Variants in AUTS2 observed in about 807,000 individuals in gnomAD.
AUTS2 encodes the protein autism susceptibility gene 2 protein.
Under a neutral mutation model 112.4 loss-of-function variants are expected in AUTS2, and 17 were observed. The observed-to-expected ratio is 0.15, with a 90% CI of 0.10 to 0.23. The LOEUF (loss-of-function observed/expected upper bound fraction) is 0.23. Among genes scored for constraint, AUTS2 ranks in the 10% least tolerant of loss-of-function variants. The probability of loss-of-function intolerance (pLI) is 1.00; values close to 1 mark genes in which losing one functional copy is unlikely to be tolerated. For synonymous variants in AUTS2, 751 were observed against 702.7 expected, an observed-to-expected ratio of 1.07 and a Z score of -1.09; for missense variants, 1,510 against 1,701.6, an observed-to-expected ratio of 0.89 and a Z score of 1.98.
intron 5 of AUTS2, among the ~76,000 whole-genome samples, chr7:70,589,465 G>A (rs1040896810): frequency 1.3e-5 from 2 of 152,196 alleles, no homozygotes; most frequent in African/African-American, 4.8e-5. Flanking sequence ...TATAATCCTA[G>A]CATTTTGGGA....
intron 3 of AUTS2, among the ~76,000 whole-genome samples, chr7:70,132,713 C>A (rs138522437): frequency 6.6e-6 from 1 of 152,078 alleles, no homozygotes; most frequent in Non-Finnish European, 1.5e-5. Flanking sequence ...ACAGAGCTTT[C>A]CGAGACCTGA....
intron 1 of AUTS2, among the ~76,000 whole-genome samples, chr7:69,859,510 C>T (rs1161468212): frequency 1.3e-5 from 2 of 152,190 alleles, no homozygotes; most frequent in African/African-American, 4.8e-5. Flanking sequence ...GACTCATATT[C>T]ATTTGTTTGT....
chr7:70,380,277 T>A (rs977360441), intron 4 of AUTS2, among the ~76,000 whole-genome samples: 1 of 152,202 alleles, frequency 6.6e-6, no homozygotes, highest in Non-Finnish European at 1.5e-5. Flanking sequence ...TACTGGAATA[T>A]TTGCTCAAAT....
chr7:70,790,816 C>T lies in AUTS2; in HGVS notation c.3600C>T (p.Thr1200=), dbSNP rs1166435001. The T allele has an allele frequency of 1.2e-5, 19 of 1,606,346 alleles. No individual in the cohort carries two copies. Among genetic ancestry groups the T allele is most frequent in the African/African-American group, 5.3e-5 (4 of 74,808 alleles). The change falls in exon 19 of 19, where the codon ACC becomes ACT. Residue 1200 remains threonine, a synonymous_variant. Coordinates refer to ENST00000342771, the MANE Select transcript of AUTS2 (RefSeq NM_015570.4). This position sits in a 1 kb window ranked among gnomAD's most constrained non-coding sequence, Gnocchi z 7.6. ...PSMHYPRISP[T]AGNQNGLLNK... is the part of the protein sequence containing the mutation. ...TGCACTATCCCCGCATCAGCCCCAC[C>T]GCGGGCAACCAGAACGGACTCCTCA...
intron 4 of AUTS2, among the ~76,000 whole-genome samples, chr7:70,184,095 G>C (rs1809473921): frequency 6.6e-6 from 1 of 152,110 alleles, no homozygotes; most frequent in Non-Finnish European, 1.5e-5. Flanking sequence ...AGTACCTCAG[G>C]ATTTTGTTTT....
At chr7:70,299,589 G>A (rs1298950139) in intron 4 of AUTS2, among the ~76,000 whole-genome samples, 1 of 152,060 alleles carries the variant, frequency 6.6e-6, no homozygotes, top group Non-Finnish European at 1.5e-5. Flanking sequence ...TGAAGCCTAC[G>A]TTCCATTCTG....
intron 1 of AUTS2, among the ~76,000 whole-genome samples, chr7:69,615,038 T>G (rs778448027): frequency 4.6e-5 from 7 of 152,242 alleles, no homozygotes; most frequent in Non-Finnish European, 1.0e-4. Context: ...AGGTGATCTT[T>G]TATGCTTTGA....
rs147604977 is a variant in AUTS2 at position 70,488,617 on chromosome 7, A to G, written c.690+52836A>G. 4.8e-3 allele frequency among the ~76,000 whole-genome samples: 729 copies of G among 152,102 alleles called. 4 individuals carry two copies. The highest frequency in any genetic ancestry group is 0.017 in the African/African-American group (691 of 41,478). ...TTTTCCCAGCAACCTGCCGTCCTCA[A>G]CCCTTTCTCTGGATCTCACTTTTCC... On this transcript the variant is annotated intron_variant, in intron 5 of 18. Coordinates refer to ENST00000342771, the MANE Select transcript of AUTS2 (RefSeq NM_015570.4).
intron 2 of AUTS2, among the ~76,000 whole-genome samples, chr7:70,015,925 G>A (rs1800009071): frequency 6.6e-6 from 1 of 151,268 alleles, no homozygotes; most frequent in South Asian, 2.1e-4. Context: ...TGAATTCTCA[G>A]TTCACAGCTG....
intron 5 of AUTS2, among the ~76,000 whole-genome samples, chr7:70,689,514 T>C (rs943634712): frequency 6.6e-6 from 1 of 152,046 alleles, no homozygotes; most frequent in Admixed American, 6.5e-5. Context: ...CGGTGGCTCA[T>C]GCCTGTAATC....
At chr7:70,140,949 A>G (rs115079408) in intron 4 of AUTS2, among the ~76,000 whole-genome samples, 1,656 of 152,296 alleles carry the variant, frequency 0.011, 27 homozygotes, top group African/African-American at 0.036. Context: ...ACGTGTAAGC[A>G]TGGCTCTCAA....
At chr7:69,822,668 G>A (rs1001640206) in intron 1 of AUTS2, among the ~76,000 whole-genome samples, 1 of 152,216 alleles carries the variant, frequency 6.6e-6, no homozygotes, top group Admixed American at 6.5e-5. Context: ...ATCTCAAAGA[G>A]TTTAAGAGTT....
rs577377189 is a variant in AUTS2, at chr7:70,171,906, G to T, written c.660+37335G>T. Among the ~76,000 whole-genome samples the T allele has an allele frequency of 9.1e-3, 1,314 of 144,662 alleles. 27 individuals carry two copies. Among genetic ancestry groups the T allele is most frequent in the African/African-American group, 0.03 (1,168 of 39,056 alleles). 94.9% of individuals were successfully genotyped at this position (144,662 alleles called of 152,430 possible). A position where few individuals can be genotyped will look rare whatever the true frequency, so the allele number is the denominator to read the frequency against. On this transcript the variant is annotated intron_variant, in intron 4 of 18. Coordinates refer to ENST00000342771, the MANE Select transcript of AUTS2 (RefSeq NM_015570.4). ...TTATTATAAACAAGTTTTTTTTTTT[G>T]GGGGGGGGTAGTTTTTCCCTCCTTC...
At chr7:69,977,094 G>A (rs936991804) in intron 2 of AUTS2, among the ~76,000 whole-genome samples, 11 of 151,464 alleles carry the variant, frequency 7.3e-5, no homozygotes, top group Admixed American at 7.2e-4. Flanking sequence ...TTACATTTAG[G>A]TCTTTATCCA....
chr7:70,239,957 C>T (rs146036363), intron 4 of AUTS2, among the ~76,000 whole-genome samples: 7 of 152,132 alleles, frequency 4.6e-5, no homozygotes, highest in African/African-American at 1.2e-4. Context: ...GTTTAAGTAA[C>T]GGTAGGTAAG....
chr7:70,150,941 C>T (rs1195622840), intron 4 of AUTS2, among the ~76,000 whole-genome samples: 1 of 152,160 alleles, frequency 6.6e-6, no homozygotes, highest in Non-Finnish European at 1.5e-5. Flanking sequence ...TGACACTGGA[C>T]ATAAGGCAGT....
intron 4 of AUTS2, among the ~76,000 whole-genome samples, chr7:70,290,156 C>T (rs901042808): frequency 3.3e-5 from 5 of 152,090 alleles, no homozygotes; most frequent in South Asian, 2.1e-4. Context: ...TTTCTCAAAG[C>T]ATGTCTTAGA....
intron 2 of AUTS2, among the ~76,000 whole-genome samples, chr7:69,936,935 C>T (rs981699069): frequency 6.6e-6 from 1 of 152,096 alleles, no homozygotes; most frequent in African/African-American, 2.4e-5. Context: ...CCTTTACCCT[C>T]TTCTCTTCCT....
At chr7:70,315,080 T>G (rs1789932881) in intron 4 of AUTS2, among the ~76,000 whole-genome samples, 1 of 152,202 alleles carries the variant, frequency 6.6e-6, no homozygotes, top group Non-Finnish European at 1.5e-5. Flanking sequence ...TAAAATAGTT[T>G]CTTAATACCC....
Sources: gnomAD v4.1 joint callset for allele counts (sites outside exome capture counted in the v4.1 genomes callset) on GRCh38, gnomAD v4.1.1 for gene constraint, Gnocchi (gnomAD v3.1) non-coding constraint, MANE v1.5 for transcripts, NCBI Gene and HGNC (gene_info 2026-07-23, HGNC 2026-07-21) for gene names.